The following SPRED2 variants were observed in gnomAD, a reference collection of about 807,000 sequenced individuals.
SPRED2 encodes sprouty-related, EVH1 domain-containing protein 2.
Under a neutral mutation model 43.0 loss-of-function variants are expected in SPRED2, and 47 were observed. That is an observed-to-expected ratio of 1.09 (90% CI 0.87 to 1.40). The LOEUF (loss-of-function observed/expected upper bound fraction) is 1.40. SPRED2 is among the 40% of genes most tolerant of loss of function. The pLI is 0.00. For missense variants in SPRED2, 561 were observed against 586.4 expected (o/e 0.96, Z 0.45); for synonymous variants, 225 against 225.7 (o/e 1.00, Z 0.03).
At chr2:65,402,619 C>T (rs1675932224) in intron 1 of SPRED2, among the ~76,000 whole-genome samples, 1 of 152,162 alleles carries the variant, frequency 6.6e-6, no homozygotes, top group South Asian at 2.1e-4. Flanking sequence ...GATTGAGCCC[C>T]TGGGGTGCTC....
At chr2:65,412,655 TCAGCAAC>T (rs1558689797) in intron 1 of SPRED2, among the ~76,000 whole-genome samples, 1 of 152,152 alleles carries the variant, frequency 6.6e-6, no homozygotes, top group Non-Finnish European at 1.5e-5. Context: ...CCTTTGTTTT[TCAGCAAC>T]CAGTTTGAAG....
chr2:65,356,427 G>GCAACCATAAC (rs1426549184), intron 1 of SPRED2, among the ~76,000 whole-genome samples: 2 of 149,990 alleles, frequency 1.3e-5, no homozygotes, highest in Admixed American at 6.7e-5. Context: ...TGTTATGGTT[G>GCAACCATAAC]ATTTCTAAAT....
At chr2:65,424,027 G>A (rs897901063) in intron 1 of SPRED2, among the ~76,000 whole-genome samples, 2 of 152,104 alleles carry the variant, frequency 1.3e-5, no homozygotes, top group African/African-American at 4.8e-5. Context: ...GACCTCAGGT[G>A]GTCGGCCCAC....
chr2:65,430,501 G>A (rs957684465), intron 1 of SPRED2, among the ~76,000 whole-genome samples: 1 of 152,236 alleles, frequency 6.6e-6, no homozygotes, highest in Non-Finnish European at 1.5e-5. Context: ...AAAGTGAGTA[G>A]ATTTCCTAGA....
At chr2:65,430,644 C>T (rs1254095891) in intron 1 of SPRED2, among the ~76,000 whole-genome samples, 1 of 152,152 alleles carries the variant, frequency 6.6e-6, no homozygotes, top group Non-Finnish European at 1.5e-5. Flanking sequence ...CCGGAGCACG[C>T]CTTCCGAAGC....
intron 1 of SPRED2, among the ~76,000 whole-genome samples, chr2:65,400,354 T>C (rs2103719620): frequency 6.6e-6 from 1 of 152,368 alleles, no homozygotes; most frequent in Admixed American, 6.5e-5. Flanking sequence ...TTGCTTAGTT[T>C]TCTATGTGTG....
At chr2:65,411,999 G>T (rs1435049330) in intron 1 of SPRED2, among the ~76,000 whole-genome samples, 1 of 152,056 alleles carries the variant, frequency 6.6e-6, no homozygotes, top group East Asian at 1.9e-4. Flanking sequence ...GTGGTGGCAG[G>T]CGCCTGTAGT....
chr2:65,427,343 G>C (rs1676580577), intron 1 of SPRED2, among the ~76,000 whole-genome samples: 1 of 152,168 alleles, frequency 6.6e-6, no homozygotes, highest in African/African-American at 2.4e-5. Context: ...CTCCAGTAGT[G>C]TGGGGATTTT....
chr2:65,350,607 C>CT (rs1674479774), intron 1 of SPRED2, among the ~76,000 whole-genome samples: 2 of 152,276 alleles, frequency 1.3e-5, no homozygotes, highest in South Asian at 4.1e-4. Flanking sequence ...AACATGTGGA[C>CT]TTTTTGTAAA....
chr2:65,359,792 C>T (rs959853620), intron 1 of SPRED2, among the ~76,000 whole-genome samples: 1 of 151,944 alleles, frequency 6.6e-6, no homozygotes, highest in Non-Finnish European at 1.5e-5. Flanking sequence ...GGGCCAGGTG[C>T]GGTGGCTCAT....
intron 1 of SPRED2, among the ~76,000 whole-genome samples, chr2:65,417,028 A>T (rs1173002437): frequency 6.6e-6 from 1 of 152,162 alleles, no homozygotes; most frequent in Admixed American, 6.5e-5. Flanking sequence ...TTGCTATAAC[A>T]GCACCTGTTG....
chr2:65,413,865 T>C (rs1185193544), intron 1 of SPRED2, among the ~76,000 whole-genome samples: 1 of 152,208 alleles, frequency 6.6e-6, no homozygotes, highest in Non-Finnish European at 1.5e-5. Context: ...GTGACTTAAG[T>C]ATTCCCAAGG....
chr2:65,410,912 G>A (rs926862186), intron 1 of SPRED2, among the ~76,000 whole-genome samples: 6 of 152,176 alleles, frequency 3.9e-5, no homozygotes, highest in African/African-American at 7.2e-5. Context: ...TTTGGAGAGT[G>A]GTTCTCAGTG....
intron 2 of SPRED2, 49 bp downstream of exon 2, chr2:65,344,666 TAAAG>T: frequency 3.1e-6 from 5 of 1,594,640 alleles, no homozygotes; most frequent in Non-Finnish European, 4.3e-6. Flanking sequence ...TGATTTAACG[TAAAG>T]AAAGCAGTTG....
intron 1 of SPRED2, among the ~76,000 whole-genome samples, chr2:65,363,912 T>G (rs1674895568): frequency 6.6e-6 from 1 of 152,222 alleles, no homozygotes; most frequent in African/African-American, 2.4e-5. Context: ...TGGGAAAAAT[T>G]GTTCCACTAA....
intron 1 of SPRED2, among the ~76,000 whole-genome samples, chr2:65,358,300 A>T (rs1674714568): frequency 6.6e-6 from 1 of 152,256 alleles, no homozygotes; most frequent in Non-Finnish European, 1.5e-5. Flanking sequence ...TCTGGGGGAA[A>T]ATAAAAGGTA....
At chr2:65,365,198 T>G (rs545702291) in intron 1 of SPRED2, among the ~76,000 whole-genome samples, 1 of 152,350 alleles carries the variant, frequency 6.6e-6, no homozygotes, top group South Asian at 2.1e-4. Flanking sequence ...TTCTTCATTA[T>G]TGTCCTCTAC....
Position 65,334,725 on chromosome 2 carries a change from T to C in SPRED2, c.253A>G (p.Asn85Asp). ...ACCTTCCAGTGATGAAACGTTGGATTGGCTTTGGTGTAGACCAAGTCCTTT... is the reference window on the plus strand; with the variant it reads ...ACCTTCCAGTGATGAAACGTTGGATCGGCTTTGGTGTAGACCAAGTCCTTT... Reference protein sequence around the residue: ...VRKDLVYTKANPTFHHWKVDN... With the variant: ...VRKDLVYTKADPTFHHWKVDN... Residue 85 changes from asparagine (N) to aspartate (D), a missense_variant, in exon 3 of 6, where the codon AAT becomes GAT. Asn to Asp is a conservative substitution (Grantham distance 23, BLOSUM62 1). Coordinates refer to ENST00000356388, the MANE Select transcript of SPRED2 (RefSeq NM_181784.3). 1.2e-6 allele frequency: 2 copies of C among 1,614,230 alleles called. No individual in the cohort carries two copies. The highest frequency in any genetic ancestry group is 8.5e-7 in the Non-Finnish European group (1 of 1,180,044).
intron 4 of SPRED2, among the ~76,000 whole-genome samples, chr2:65,325,101 A>T (rs1313167107): frequency 6.6e-6 from 1 of 152,192 alleles, no homozygotes. Flanking sequence ...CATGGGTGAG[A>T]CTATTAGAGG....
Sources: allele counts gnomAD v4.1 joint callset (sites outside exome capture counted in the v4.1 genomes callset), GRCh38; gene constraint gnomAD v4.1.1; transcripts MANE v1.5; gene names NCBI Gene and HGNC (gene_info 2026-07-23, HGNC 2026-07-21).